The following WDPCP variants were observed in gnomAD, a reference collection of about 807,000 sequenced individuals.
WDPCP encodes WD repeat containing planar cell polarity effector.
A neutral mutation model predicts 93.1 loss-of-function variants in WDPCP; 71 were observed. That is an observed-to-expected ratio of 0.76 (90% CI 0.63 to 0.93). The LOEUF is 0.93. Ranked by LOEUF, WDPCP falls within the 40% of genes least tolerant of loss-of-function variation. The pLI is 0.00. For missense variants in WDPCP, 844 were observed against 887.4 expected (o/e 0.95, Z 0.62); for synonymous variants, 315 against 315.0 (o/e 1.00, Z 0.00).
intron 3 of WDPCP, among the ~76,000 whole-genome samples, chr2:63,609,084 G>A (rs1426924660): frequency 6.6e-6 from 1 of 152,020 alleles, no homozygotes; most frequent in African/African-American, 2.4e-5. Flanking sequence ...ATGTGCTAAT[G>A]GGCCAGGCGC....
intron 2 of WDPCP, among the ~76,000 whole-genome samples, chr2:63,678,171 T>A (rs1207629609): frequency 6.6e-6 from 1 of 152,260 alleles, no homozygotes; most frequent in Non-Finnish European, 1.5e-5. Flanking sequence ...AGCCTTTTTC[T>A]TTCTGCTCCA....
chr2:63,700,430 T>C (rs1669031036), intron 2 of WDPCP, among the ~76,000 whole-genome samples: 1 of 151,572 alleles, frequency 6.6e-6, no homozygotes, highest in Non-Finnish European at 1.5e-5. Flanking sequence ...AAAAATCAAG[T>C]GAGTCAACTG....
chr2:63,371,974 C>T (rs1304199418), intron 12 of WDPCP, among the ~76,000 whole-genome samples: 3 of 152,234 alleles, frequency 2.0e-5, no homozygotes, highest in African/African-American at 7.2e-5. Flanking sequence ...TAAAGAAATA[C>T]CTGACACTGG....
intron 15 of WDPCP, among the ~76,000 whole-genome samples, chr2:63,161,957 G>A (rs2421861): frequency 0.89 from 135,152 of 151,974 alleles, 60,257 homozygotes; most frequent in South Asian, 0.94. Flanking sequence ...TTTAGTAGAG[G>A]TGGGGTTTCA....
intron 2 of WDPCP, chr2:63,711,722 T>C (rs910280404): frequency 3.3e-5 from 5 of 152,202 alleles, no homozygotes; most frequent in Non-Finnish European, 7.3e-5. Flanking sequence ...GATGGTGCCA[T>C]TGTGCTCCAG....
intron 1 of WDPCP, among the ~76,000 whole-genome samples, chr2:63,500,493 T>C (rs955566893): frequency 5.9e-5 from 7 of 118,022 alleles, no homozygotes; most frequent in Non-Finnish European, 1.2e-4. Context: ...AAAGTGGTTA[T>C]ACAGTGATCA....
intron 13 of WDPCP, among the ~76,000 whole-genome samples, chr2:63,302,318 CAAAAGAG>C (rs1017832518): frequency 8.5e-5 from 13 of 152,086 alleles, no homozygotes; most frequent in African/African-American, 2.9e-4. Context: ...TATAGTGGGC[CAAAAGAG>C]AAAAGAGAAA....
intron 1 of WDPCP, among the ~76,000 whole-genome samples, chr2:63,502,961 T>C (rs1558722688): frequency 6.6e-6 from 1 of 152,204 alleles, no homozygotes; most frequent in African/African-American, 2.4e-5. Flanking sequence ...TGTTCCAAGA[T>C]AATCTGTGCA....
intron 15 of WDPCP, among the ~76,000 whole-genome samples, chr2:63,164,202 C>T (rs748002770): frequency 3.3e-5 from 5 of 152,058 alleles, no homozygotes; most frequent in Admixed American, 1.3e-4. Flanking sequence ...TAGGGCTGTA[C>T]CTAATCTAAT....
intron 1 of WDPCP, among the ~76,000 whole-genome samples, chr2:63,581,886 G>C (rs1029848329): frequency 6.6e-6 from 1 of 151,710 alleles, no homozygotes; most frequent in South Asian, 2.1e-4. Flanking sequence ...GTGCACACCT[G>C]TAGTCCCAGC....
intron 9 of WDPCP, among the ~76,000 whole-genome samples, chr2:63,415,872 G>A (rs1254039128): frequency 6.6e-6 from 1 of 152,310 alleles, no homozygotes; most frequent in South Asian, 2.1e-4. Flanking sequence ...AAAGAAAGAA[G>A]CTTGTGCTTT....
At chr2:63,553,792 C>A (rs1186468489) in intron 1 of WDPCP, among the ~76,000 whole-genome samples, 1 of 152,040 alleles carries the variant, frequency 6.6e-6, no homozygotes, top group African/African-American at 2.4e-5. Flanking sequence ...TTAAAAAAAA[C>A]TCCTCTATAC....
chr2:63,684,402 A>G, intron 2 of WDPCP: 1 of 815,986 alleles, frequency 1.2e-6, no homozygotes, highest in Non-Finnish European at 2.1e-6. Flanking sequence ...TGATGATGGC[A>G]CCTCAGATCG....
intron 1 of WDPCP, among the ~76,000 whole-genome samples, chr2:63,550,415 C>T (rs776905659): frequency 5.3e-5 from 8 of 152,156 alleles, no homozygotes; most frequent in Non-Finnish European, 1.0e-4. Flanking sequence ...ATGGACCTTT[C>T]TCAGGCCTTA....
At chr2:63,729,128 T>C (rs1669526461) in intron 2 of WDPCP, among the ~76,000 whole-genome samples, 1 of 152,078 alleles carries the variant, frequency 6.6e-6, no homozygotes, top group South Asian at 2.1e-4. Flanking sequence ...ATAAAATTAT[T>C]CCTGAAAAAA....
chr2:63,546,627 A>G (rs1315087016), intron 1 of WDPCP, among the ~76,000 whole-genome samples: 3 of 152,222 alleles, frequency 2.0e-5, no homozygotes, highest in African/African-American at 7.2e-5. Flanking sequence ...AACTGGTGCC[A>G]GGCTTGTAAG....
chr2:63,589,579 T>G (rs1320348843), upstream of WDPCP, among the ~76,000 whole-genome samples: 2 of 152,248 alleles, frequency 1.3e-5, no homozygotes, highest in East Asian at 3.8e-4. Flanking sequence ...AAATGTTATT[T>G]GGAACCCGTT....
In WDPCP at chr2:63,682,230, A is replaced by T. The variant is rs528820681; in HGVS notation, n.309-31392T>A. 2.6e-5 allele frequency among the ~76,000 whole-genome samples: 4 copies of T among 152,376 alleles called. No homozygotes were observed. In the East Asian group the frequency reaches 5.8e-4, roughly 22 times the overall value. On this transcript the variant is annotated intron_variant and non_coding_transcript_variant, in intron 2 of 4. Transcript: ENST00000467687. ...AATCATGGAGAAACAGGGACATGTG[A>T]CTTTTCAGACAGAGAATTCAAAATA... is the stretch of plus-strand genomic sequence containing the variant.
chr2:63,507,776 T>C (rs1428169287), intron 1 of WDPCP, among the ~76,000 whole-genome samples: 2 of 151,960 alleles, frequency 1.3e-5, no homozygotes, highest in Non-Finnish European at 2.9e-5. Flanking sequence ...GCACGAGAAC[T>C]TCATGAAGCA....
Sources: gnomAD v4.1 joint callset for allele counts (sites outside exome capture counted in the v4.1 genomes callset) on GRCh38, gnomAD v4.1.1 for gene constraint, MANE v1.5 for transcripts, NCBI Gene and HGNC (gene_info 2026-07-23, HGNC 2026-07-21) for gene names.